RBM5: variants seen among roughly 807,000 people sequenced by gnomAD.
RBM5 encodes RNA binding motif protein 5, also known as RNA-binding protein 5.
RBM5 carries 15 observed loss-of-function variants against 124.6 expected under a neutral mutation model. That is an observed-to-expected ratio of 0.12 (90% CI 0.08 to 0.19). The LOEUF is 0.19. Ranked by LOEUF, RBM5 falls within the 10% of genes least tolerant of loss-of-function variation. The pLI, the probability that RBM5 is intolerant of heterozygous loss-of-function variation, is 1.00. For missense variants in RBM5, 580 were observed against 1,026.5 expected (o/e 0.57, Z 5.94); for synonymous variants, 337 against 361.2 (o/e 0.93, Z 0.76).
chr3:50,099,035 G>A (rs754260356), intron 4 of RBM5, among the ~76,000 whole-genome samples: 31 of 152,040 alleles, frequency 2.0e-4, no homozygotes, highest in Non-Finnish European at 3.5e-4. Context: ...TGGCCGGATC[G>A]CTTGAGCCCA....
rs1484442676 is a variant in RBM5, at chr3:50,114,184, C to G, written c.1772C>G (p.Ala591Gly). The change falls in exon 20 of 25, where the codon GCC (alanine) becomes GGC (glycine). Residue 591 changes from alanine to glycine, a missense_variant. Transcript: ENST00000347869. ...AGFALFEKKG[A>G]LAERQQLIPE... Reference sequence around the variant, plus strand: ...GGCTTGTCCTCTGTTTCCCAGGGAGCCTTAGCTGAAAGGCAGCAGCTCATC... The same window carrying G: ...GGCTTGTCCTCTGTTTCCCAGGGAGGCTTAGCTGAAAGGCAGCAGCTCATC... The G allele has an allele frequency of 6.2e-7, 1 of 1,613,696 alleles. No individual in the cohort carries two copies. The highest frequency in any genetic ancestry group is 8.5e-7 in the Non-Finnish European group (1 of 1,179,944).
chr3:50,093,542 C>G (rs1419310432), intron 3 of RBM5, among the ~76,000 whole-genome samples, 178 bp from the exon 4 acceptor site: 2 of 151,624 alleles, frequency 1.3e-5, no homozygotes, highest in Non-Finnish European at 2.9e-5. Context: ...GAGTTCAGAC[C>G]AGCCTGGGTA....
intron 20 of RBM5, chr3:50,114,747 T>G (rs558976466): frequency 1.3e-5 from 2 of 155,740 alleles, no homozygotes; most frequent in Admixed American, 6.5e-5. Flanking sequence ...CTTGGGATGC[T>G]AAGGTAAGAG....
rs2090915425 is a variant in RBM5 at position 50,100,332 on chromosome 3, A to G, written c.410-200A>G. ...CATGGTTACTTTAAGCGTGGAATCAAATGGAGTGGCATTTAGTTCAGGCGG... is the reference window on the plus strand; with the variant it reads ...CATGGTTACTTTAAGCGTGGAATCAGATGGAGTGGCATTTAGTTCAGGCGG... On this transcript the variant is annotated intron_variant, in intron 5 of 24. Transcript: ENST00000347869. The surrounding 1 kb of genome is among the most constrained non-coding windows in gnomAD (Gnocchi z 5.1). The G allele has an allele frequency of 1.8e-6, 1 of 561,414 alleles. No homozygotes were observed. Among genetic ancestry groups the G allele is most frequent in the South Asian group, 2.8e-5 (1 of 35,688 alleles). The allele number at this position is 561,414 out of a possible 1,614,324, so 34.8% of individuals were successfully genotyped here.
chr3:50,104,207 C>A, intron 7 of RBM5, 41 bp from the exon 8 acceptor site: 1 of 1,563,432 alleles, frequency 6.4e-7, no homozygotes, highest in Non-Finnish European at 8.8e-7. Context: ...AAAGCCTGGC[C>A]TAATGTGAGA....
intron 1 of RBM5, among the ~76,000 whole-genome samples, chr3:50,089,650 C>G (rs965534012): frequency 6.6e-6 from 1 of 151,988 alleles, no homozygotes; most frequent in Admixed American, 6.6e-5. Flanking sequence ...TTCAACAAAT[C>G]GTTGAGCATT....
At chr3:50,089,090 C>T (rs2090653094) in intron 1 of RBM5, 61 bp downstream of exon 1, 1 of 152,336 alleles carries the variant, frequency 6.6e-6, no homozygotes, top group Admixed American at 6.5e-5. Flanking sequence ...GGCCCCCAAG[C>T]CTCCCTTGTC....
chr3:50,097,848 C>A (rs749666824), intron 4 of RBM5, among the ~76,000 whole-genome samples: 3 of 152,170 alleles, frequency 2.0e-5, no homozygotes, highest in Non-Finnish European at 4.4e-5. Flanking sequence ...CGCCTGTAAT[C>A]CCAGCACTTT....
rs777785918 is a variant in RBM5, at chr3:50,115,857, A to G, written c.2020-49A>G. 17 of 1,519,778 alleles carry G rather than the reference A, an allele frequency of 1.1e-5. No homozygotes were observed. The South Asian group carries it at 1.5e-4, about 13-fold the overall frequency. 94.1% of individuals were successfully genotyped at this position (1,519,778 alleles called of 1,614,324 possible). On this transcript the variant is annotated intron_variant, in intron 21 of 24. Coordinates refer to ENST00000347869, the MANE Select transcript of RBM5 (RefSeq NM_005778.4). Reference sequence around the variant, plus strand: ...ATGTTACTAATGTTAGGACATTTCAAATTAAGATGGTCTGAGTCCTTACTG... The same window carrying G: ...ATGTTACTAATGTTAGGACATTTCAGATTAAGATGGTCTGAGTCCTTACTG...
chr3:50,093,763 A>T lies in RBM5; in HGVS notation c.227A>T (p.Tyr76Phe), dbSNP rs779947411. The change falls in exon 4 of 25, where the codon TAC (tyrosine) becomes TTC (phenylalanine). Residue 76 changes from tyrosine to phenylalanine, a missense_variant. Coordinates refer to ENST00000347869, the MANE Select transcript of RBM5 (RefSeq NM_005778.4). ...AACAGTGACCGATCCGAAGATGGCT[A>T]CCATTCAGATGGTGACTATGGTGAG... ...RRNSDRSEDG[Y>F]HSDGDYGEHD... 6.2e-7 allele frequency: 1 copy of T among 1,614,028 alleles called. No homozygotes were observed.
chr3:50,107,996 A>G, intron 12 of RBM5, 74 bp from the exon 13 acceptor site: 1 of 1,327,202 alleles, frequency 7.5e-7, no homozygotes, highest in Non-Finnish European at 1.1e-6. Context: ...TCATGAGCTC[A>G]TTTTTAGGGA....
rs1215741222 is a variant in RBM5, at chr3:50,106,685, AACT to A, written c.856-78_856-76del. 2.1e-5 allele frequency: 21 copies of A among 1,006,268 alleles called. 1 individual carries two copies. In the Admixed American group the frequency reaches 4.1e-4, roughly 20 times the overall value. 62.3% of individuals were successfully genotyped at this position (1,006,268 alleles called of 1,614,324 possible). On this transcript the variant is annotated intron_variant, in intron 10 of 24. Transcript: ENST00000347869. ...AATTGCCTTTTATTTTTTAATAGAAAACTACTTCTTTGAATGGGGTGGATGGTA... is the reference window on the plus strand; with the variant it reads ...AATTGCCTTTTATTTTTTAATAGAAAACTTCTTTGAATGGGGTGGATGGTA...
intron 6 of RBM5, chr3:50,101,855 T>C (rs1377500515): frequency 6.6e-6 from 1 of 152,232 alleles, no homozygotes; most frequent in African/African-American, 2.4e-5. Flanking sequence ...CACTGGTAGT[T>C]TGGAGTCTCC....
At chr3:50,108,741 C>A (rs564323987) in intron 14 of RBM5, among the ~76,000 whole-genome samples, 1 of 152,080 alleles carries the variant, frequency 6.6e-6, no homozygotes, top group Non-Finnish European at 1.5e-5. Flanking sequence ...GGGGCATATT[C>A]AGGGCTGTCA....
Position 50,110,732 on chromosome 3 carries a change from G to C in RBM5, c.1417G>C (p.Asp473His). 1 of 1,613,704 alleles carries C rather than the reference G, an allele frequency of 6.2e-7. No homozygotes were observed. Among genetic ancestry groups the C allele is most frequent in the Non-Finnish European group, 8.5e-7 (1 of 1,179,766 alleles). Residue 473 changes from aspartate to histidine, a missense_variant, in exon 17 of 25, where the codon GAT becomes CAT. Transcript: ENST00000347869. ...QYDESSGYYY[D>H]PTTGLYYDPN... Reference sequence around the variant, plus strand: ...TGATGAATCTTCAGGATATTACTATGATCCGACAACAGGGCTCTATTATGA... The same window carrying C: ...TGATGAATCTTCAGGATATTACTATCATCCGACAACAGGGCTCTATTATGA...
rs1401902255 is a variant in RBM5, at chr3:50,115,417, T to C, written c.1840-11T>C. The C allele has an allele frequency of 1.9e-6, 3 of 1,610,986 alleles. No homozygotes were observed. Among genetic ancestry groups the C allele is most frequent in the African/African-American group, 1.3e-5 (1 of 74,712 alleles). ...TACATTTCCAGTGACCTGTCCTCCT[T>C]TTGTCTCCAGAGGGGTCTGGTTGCT... On this transcript the variant is annotated splice_polypyrimidine_tract_variant and intron_variant, in intron 20 of 24. Coordinates refer to ENST00000347869, the MANE Select transcript of RBM5 (RefSeq NM_005778.4).
chr3:50,099,885 A>C, intron 4 of RBM5, 97 bp from the exon 5 acceptor site: 1 of 1,156,510 alleles, frequency 8.6e-7, no homozygotes, highest in Admixed American at 3.0e-5. Flanking sequence ...AAAAAAAAAA[A>C]AAACTTGGCT....
Position 50,112,441 on chromosome 3 carries a change from A to G in RBM5, c.1456-942A>G, listed in dbSNP as rs1290295081. Reference sequence around the variant, plus strand: ...AAAAAAAAAAAAAAAAAAAAAAAAAAAAAGTTGTGTCTGTTAGCCACGCCA... The same window carrying G: ...AAAAAAAAAAAAAAAAAAAAAAAAAGAAAGTTGTGTCTGTTAGCCACGCCA... On this transcript the variant is annotated intron_variant, in intron 17 of 24. Coordinates refer to ENST00000347869, the MANE Select transcript of RBM5 (RefSeq NM_005778.4). Among the ~76,000 whole-genome samples, 6 of 131,198 alleles carry G rather than the reference A, an allele frequency of 4.6e-5. No individual in the cohort carries two copies. The South Asian group carries it at 1.3e-3, about 29-fold the overall frequency. 86.1% of individuals were successfully genotyped at this position (131,198 alleles called of 152,430 possible).
intron 2 of RBM5, among the ~76,000 whole-genome samples, chr3:50,091,084 G>T (rs1275612130): frequency 6.6e-6 from 1 of 152,178 alleles, no homozygotes; most frequent in Non-Finnish European, 1.5e-5. Context: ...CCCTTATTCA[G>T]CCATCTGCCT....
Sources: allele counts gnomAD v4.1 joint callset (sites outside exome capture counted in the v4.1 genomes callset), GRCh38; gene constraint gnomAD v4.1.1; non-coding constraint Gnocchi (gnomAD v3.1); transcripts MANE v1.5; gene names NCBI Gene and HGNC (gene_info 2026-07-23, HGNC 2026-07-21).